The following POU6F2 variants were observed in gnomAD, a reference collection of about 807,000 sequenced individuals.
POU6F2 encodes the protein POU domain, class 6, transcription factor 2.
POU6F2 carries 31 observed loss-of-function variants against 71.3 expected under a neutral mutation model. The ratio of observed to expected loss-of-function variants is 0.43; its 90% CI spans 0.33 to 0.59. The LOEUF (loss-of-function observed/expected upper bound fraction) is 0.59. POU6F2 is among the 20% of genes least tolerant of loss of function. The probability of loss-of-function intolerance (pLI) is 0.04; values close to 1 mark genes in which losing one functional copy is unlikely to be tolerated. For missense variants in POU6F2, 783 were observed against 856.8 expected (o/e 0.91, Z 1.07); for synonymous variants, 347 against 355.7 (o/e 0.98, Z 0.27).
At chr7:39,243,692 A>G (rs552229386) in intron 4 of POU6F2, among the ~76,000 whole-genome samples, 24 of 152,010 alleles carry the variant, frequency 1.6e-4, no homozygotes, top group African/African-American at 5.5e-4. Flanking sequence ...TCATGCTACT[A>G]GATCAAAATA....
At chr7:39,452,172 G>C (rs1405090619) in intron 8 of POU6F2, among the ~76,000 whole-genome samples, 1 of 152,216 alleles carries the variant, frequency 6.6e-6, no homozygotes, top group Admixed American at 6.5e-5. Flanking sequence ...GTGGGTGTGT[G>C]TGTACAATAA....
At chr7:39,315,640 C>G (rs543609663) in intron 4 of POU6F2, among the ~76,000 whole-genome samples, 1 of 152,164 alleles carries the variant, frequency 6.6e-6, no homozygotes, top group Non-Finnish European at 1.5e-5. Flanking sequence ...CTCTTTATTC[C>G]GTTCCCCTTT....
chr7:39,039,975 A>G (rs1427129031), intron 1 of POU6F2, among the ~76,000 whole-genome samples: 1 of 144,076 alleles, frequency 6.9e-6, no homozygotes, highest in African/African-American at 2.6e-5. Flanking sequence ...GAATTCCCTC[A>G]CCTGCTTTTT....
At chr7:39,363,528 T>C (rs919365123) in intron 5 of POU6F2, among the ~76,000 whole-genome samples, 1 of 151,430 alleles carries the variant, frequency 6.6e-6, no homozygotes, top group African/African-American at 2.4e-5. Context: ...TGCTGGTATG[T>C]AAAGCCAGAG....
intron 4 of POU6F2, among the ~76,000 whole-genome samples, chr7:39,268,682 A>C (rs1486709597): frequency 6.6e-6 from 1 of 152,218 alleles, no homozygotes; most frequent in African/African-American, 2.4e-5. Context: ...GCTCATGGAA[A>C]AATCTTTCTA....
chr7:39,387,329 C>G (rs2115819142), intron 5 of POU6F2, among the ~76,000 whole-genome samples: 1 of 152,310 alleles, frequency 6.6e-6, no homozygotes, highest in East Asian at 1.9e-4. Context: ...TTTTCCCCTC[C>G]TAAGAGTTTT....
At chr7:39,343,263 A>G (rs564492193) in intron 5 of POU6F2, among the ~76,000 whole-genome samples, 11 of 152,336 alleles carry the variant, frequency 7.2e-5, no homozygotes, top group African/African-American at 2.6e-4. Context: ...GGGTGCCAGG[A>G]TGGAGAGCAG....
At chr7:39,324,350 A>G (rs1362178568) in intron 4 of POU6F2, among the ~76,000 whole-genome samples, 1 of 152,156 alleles carries the variant, frequency 6.6e-6, no homozygotes, top group Non-Finnish European at 1.5e-5. Flanking sequence ...CCACGTGACC[A>G]GTGCTGGCCA....
chr7:39,089,369 A>T (rs1463467747), intron 2 of POU6F2, among the ~76,000 whole-genome samples: 2 of 152,134 alleles, frequency 1.3e-5, no homozygotes, highest in Admixed American at 1.3e-4. Flanking sequence ...ACAGGCTTGC[A>T]TGTGGTTGGG....
chr7:39,207,293 G>T, intron 3 of POU6F2, 99 bp from the exon 4 acceptor site: 2 of 1,110,170 alleles, frequency 1.8e-6, no homozygotes, highest in South Asian at 1.9e-5. Flanking sequence ...GTACTTCTTC[G>T]GGAACTTTCT....
At chr7:39,433,430 C>A in intron 7 of POU6F2, 147 bp downstream of exon 7, 1 of 833,072 alleles carries the variant, frequency 1.2e-6, no homozygotes, top group Non-Finnish European at 1.8e-6. Context: ...TATAAAATGG[C>A]ATGTAACTCT....
chr7:39,018,768 C>A (rs1789616153), intron 1 of POU6F2, among the ~76,000 whole-genome samples: 1 of 152,050 alleles, frequency 6.6e-6, no homozygotes, highest in South Asian at 2.1e-4. Context: ...AAAACAGTGC[C>A]ACTAAAAGTA....
At chr7:39,087,998 A>T (rs1304202118) in intron 2 of POU6F2, among the ~76,000 whole-genome samples, 1 of 152,210 alleles carries the variant, frequency 6.6e-6, no homozygotes, top group Non-Finnish European at 1.5e-5. Flanking sequence ...TTTAATGTTA[A>T]AATCATAATG....
At chr7:39,345,384 C>T (rs1160786355) in intron 5 of POU6F2, among the ~76,000 whole-genome samples, 1 of 152,134 alleles carries the variant, frequency 6.6e-6, no homozygotes, top group Non-Finnish European at 1.5e-5. Context: ...AAATTTCGGC[C>T]AGGTCTTTGA....
intron 4 of POU6F2, among the ~76,000 whole-genome samples, chr7:39,275,169 A>C (rs1346754450): frequency 3.9e-5 from 6 of 152,176 alleles, no homozygotes; most frequent in African/African-American, 1.4e-4. Context: ...CTCAGCCCAA[A>C]ATCTCCTTAA....
At chr7:39,273,355 G>T (rs1784373143) in intron 4 of POU6F2, among the ~76,000 whole-genome samples, 1 of 152,194 alleles carries the variant, frequency 6.6e-6, no homozygotes, top group African/African-American at 2.4e-5. Context: ...CCATGTGGAT[G>T]TCATGTACCC....
intron 4 of POU6F2, among the ~76,000 whole-genome samples, chr7:39,234,312 T>G (rs1210811517): frequency 6.6e-6 from 1 of 152,124 alleles, no homozygotes; most frequent in Admixed American, 6.5e-5. Context: ...TGAGCAGCTG[T>G]CACTGTATTC....
intron 1 of POU6F2, among the ~76,000 whole-genome samples, chr7:39,079,839 G>A (rs1365472577): frequency 6.6e-6 from 1 of 152,142 alleles, no homozygotes; most frequent in East Asian, 1.9e-4. Flanking sequence ...AATCAAAGGT[G>A]TGCATGTATA....
chr7:39,123,534 TC>T (rs915944077), intron 2 of POU6F2, among the ~76,000 whole-genome samples: 2 of 152,254 alleles, frequency 1.3e-5, no homozygotes, highest in African/African-American at 4.8e-5. Flanking sequence ...AGCATGATTT[TC>T]CCAGATATTA....
Sources: gnomAD v4.1 joint callset for allele counts (sites outside exome capture counted in the v4.1 genomes callset) on GRCh38, gnomAD v4.1.1 for gene constraint, MANE v1.5 for transcripts, NCBI Gene and HGNC (gene_info 2026-07-23, HGNC 2026-07-21) for gene names.